Variants in RAB27B observed in about 807,000 individuals in gnomAD.
RAB27B encodes ras-related protein Rab-27B.
In RAB27B, 15 loss-of-function variants were observed where a neutral mutation model predicts 24.6. The observed-to-expected ratio is 0.61, with a 90% CI of 0.41 to 0.94. The LOEUF is 0.94. Among genes scored for constraint, RAB27B ranks in the 40% least tolerant of loss-of-function variants. RAB27B has a pLI of 0.00. For missense variants in RAB27B, 261 were observed against 266.8 expected (o/e 0.98, Z 0.15); for synonymous variants, 105 against 92.5 (o/e 1.14, Z -0.78).
intron 1 of RAB27B, among the ~76,000 whole-genome samples, chr18:54,853,376 T>C (rs953656418): frequency 2.6e-5 from 4 of 152,160 alleles, no homozygotes; most frequent in Middle Eastern, 6.3e-3. Context: ...ATAAAGTCAT[T>C]GAATTTCAGA....
intron 2 of RAB27B, among the ~76,000 whole-genome samples, chr18:54,732,570 A>G (rs1329424788): frequency 1.3e-5 from 2 of 152,224 alleles, no homozygotes; most frequent in Admixed American, 6.5e-5. Context: ...ATATAATTTT[A>G]AAAGAAAAAA....
At chr18:54,845,814 C>A (rs1241961414) in intron 1 of RAB27B, among the ~76,000 whole-genome samples, 1 of 152,156 alleles carries the variant, frequency 6.6e-6, no homozygotes, top group East Asian at 1.9e-4. Context: ...TACCATCAAT[C>A]CTTTTGATTC....
intron 3 of RAB27B, among the ~76,000 whole-genome samples, chr18:54,881,975 C>T (rs1438985993): frequency 6.6e-6 from 1 of 152,112 alleles, no homozygotes; most frequent in East Asian, 1.9e-4. Context: ...CCTGGCATGA[C>T]ACAATTATGG....
chr18:54,858,546 G>C (rs1911882463), intron 1 of RAB27B, among the ~76,000 whole-genome samples: 1 of 151,870 alleles, frequency 6.6e-6, no homozygotes, highest in Non-Finnish European at 1.5e-5. Context: ...AGTACGCCCG[G>C]CTAATTTTTT....
chr18:54,835,112 C>G (rs991920840), intron 1 of RAB27B, among the ~76,000 whole-genome samples: 7 of 151,790 alleles, frequency 4.6e-5, no homozygotes, highest in Non-Finnish European at 8.8e-5. Flanking sequence ...ACAAAATGGA[C>G]TGTTGATAAG....
intron 2 of RAB27B, among the ~76,000 whole-genome samples, chr18:54,821,845 C>T (rs137918887): frequency 7.0e-4 from 106 of 152,324 alleles, no homozygotes; most frequent in Non-Finnish European, 1.3e-3. Flanking sequence ...CCTCTGCCTC[C>T]GGGGCTGAAG....
chr18:54,787,239 A>G (rs540537224), intron 2 of RAB27B, among the ~76,000 whole-genome samples: 1 of 152,270 alleles, frequency 6.6e-6, no homozygotes, highest in East Asian at 1.9e-4. Context: ...TTTCCTTCTC[A>G]TGCAGAATTA....
At chr18:54,778,064 G>A (rs1185927686) in intron 2 of RAB27B, among the ~76,000 whole-genome samples, 2 of 152,198 alleles carry the variant, frequency 1.3e-5, no homozygotes, top group Non-Finnish European at 2.9e-5. Flanking sequence ...ATACATGTAT[G>A]TGTAGTTTTT....
At chr18:54,870,496 G>A (rs1336951337) in intron 1 of RAB27B, among the ~76,000 whole-genome samples, 1 of 152,108 alleles carries the variant, frequency 6.6e-6, no homozygotes, top group African/African-American at 2.4e-5. Context: ...TTTTATAATA[G>A]AGGTATTGGC....
At chr18:54,878,912 T>C (rs1306083790) in intron 2 of RAB27B, among the ~76,000 whole-genome samples, 3 of 152,176 alleles carry the variant, frequency 2.0e-5, no homozygotes, top group Non-Finnish European at 4.4e-5. Flanking sequence ...GATATTCGGA[T>C]ATTTGTAAAG....
At chr18:54,768,858 C>G (rs1183634790) in intron 2 of RAB27B, among the ~76,000 whole-genome samples, 1 of 152,144 alleles carries the variant, frequency 6.6e-6, no homozygotes, top group Non-Finnish European at 1.5e-5. Flanking sequence ...CATGGGGAAA[C>G]TGCCCCCATG....
chr18:54,882,637 G>A (rs1912972540), intron 3 of RAB27B, among the ~76,000 whole-genome samples: 1 of 152,176 alleles, frequency 6.6e-6, no homozygotes, highest in Non-Finnish European at 1.5e-5. Flanking sequence ...GGAAGAAAAG[G>A]AAGCACTAAG....
intron 2 of RAB27B, among the ~76,000 whole-genome samples, chr18:54,792,411 C>T (rs1359791863): frequency 6.6e-6 from 1 of 152,204 alleles, no homozygotes; most frequent in African/African-American, 2.4e-5. Context: ...AAATCAGACT[C>T]ATAAGCTAAC....
chr18:54,823,377 G>GC (rs1257163512), intron 2 of RAB27B, among the ~76,000 whole-genome samples: 4 of 152,136 alleles, frequency 2.6e-5, no homozygotes, highest in Non-Finnish European at 4.4e-5. Flanking sequence ...CCCTGCAATC[G>GC]CAAGAGAAGG....
chr18:54,805,466 C>T (rs1463586078), intron 2 of RAB27B, among the ~76,000 whole-genome samples: 1 of 152,138 alleles, frequency 6.6e-6, no homozygotes, highest in Non-Finnish European at 1.5e-5. Context: ...TGTCAGGGTA[C>T]TTTCTAGGTA....
chr18:54,778,174 A>G (rs1479998005), intron 2 of RAB27B, among the ~76,000 whole-genome samples: 1 of 152,152 alleles, frequency 6.6e-6, no homozygotes, highest in African/African-American at 2.4e-5. Flanking sequence ...TATAATCGCC[A>G]TTTCTTTCTC....
chr18:54,737,843 A>T (rs1159196277), intron 2 of RAB27B, among the ~76,000 whole-genome samples: 1 of 152,228 alleles, frequency 6.6e-6, no homozygotes, highest in East Asian at 1.9e-4. Flanking sequence ...GAATATCAAT[A>T]TAATCATTTA....
intron 2 of RAB27B, among the ~76,000 whole-genome samples, chr18:54,746,549 T>C (rs1910254837): frequency 6.6e-6 from 1 of 152,202 alleles, no homozygotes; most frequent in African/African-American, 2.4e-5. Flanking sequence ...TTACAACTTA[T>C]TGTTTTTATG....
chr18:54,815,898 A>G (rs977769332), intron 2 of RAB27B, among the ~76,000 whole-genome samples: 2 of 152,166 alleles, frequency 1.3e-5, no homozygotes, highest in Non-Finnish European at 2.9e-5. Flanking sequence ...TGCTGGGATT[A>G]CAGGCGTGAT....
Sources: gnomAD v4.1 joint callset for allele counts (sites outside exome capture counted in the v4.1 genomes callset) on GRCh38, gnomAD v4.1.1 for gene constraint, MANE v1.5 for transcripts, NCBI Gene and HGNC (gene_info 2026-07-23, HGNC 2026-07-21) for gene names.